Variants in TBC1D32 observed in about 807,000 individuals in gnomAD.
The protein encoded by TBC1D32 is protein broad-minded.
Under a neutral mutation model 170.3 loss-of-function variants are expected in TBC1D32, and 151 were observed. That is an observed-to-expected ratio of 0.89 (90% CI 0.78 to 1.01). The LOEUF is 1.01. TBC1D32 is among the 50% of genes least tolerant of loss of function. TBC1D32 has a pLI of 0.00. For missense variants in TBC1D32, 1,464 were observed against 1,457.1 expected (o/e 1.00, Z -0.08); for synonymous variants, 498 against 488.0 (o/e 1.02, Z -0.27).
chr6:121,285,651 A>G (rs1165592344), intron 12 of TBC1D32, among the ~76,000 whole-genome samples: 1 of 152,168 alleles, frequency 6.6e-6, no homozygotes, highest in Non-Finnish European at 1.5e-5. Flanking sequence ...TGGTTCTCCC[A>G]GCAAGCAGCT....
At chr6:121,189,424 G>A (rs1411536918) in intron 22 of TBC1D32, among the ~76,000 whole-genome samples, 1 of 150,700 alleles carries the variant, frequency 6.6e-6, no homozygotes, top group Non-Finnish European at 1.5e-5. Context: ...TATTGTATTA[G>A]TATAATTTTA....
chr6:121,159,283 C>T (rs1487739966), intron 24 of TBC1D32, among the ~76,000 whole-genome samples: 1 of 152,140 alleles, frequency 6.6e-6, no homozygotes, highest in Non-Finnish European at 1.5e-5. Context: ...AAGGTGGGAA[C>T]CATAATCTTC....
At chr6:121,172,609 T>A (rs1274601011) in intron 22 of TBC1D32, among the ~76,000 whole-genome samples, 1 of 152,110 alleles carries the variant, frequency 6.6e-6, no homozygotes, top group African/African-American at 2.4e-5. Flanking sequence ...ACAGAATGGG[T>A]AGTAGAAGAA....
At chr6:121,314,061 A>G (rs1045927713) in intron 3 of TBC1D32, among the ~76,000 whole-genome samples, 2 of 152,234 alleles carry the variant, frequency 1.3e-5, no homozygotes, top group African/African-American at 4.8e-5. Context: ...ATCTTACTGG[A>G]AGAATCCAAA....
intron 12 of TBC1D32, among the ~76,000 whole-genome samples, chr6:121,290,767 T>C (rs1478876599): frequency 2.0e-5 from 3 of 151,628 alleles, no homozygotes; most frequent in African/African-American, 7.3e-5. Flanking sequence ...CCAACAATGA[T>C]AGACTGGATT....
At chr6:121,331,785 A>G (rs1811251102) in intron 1 of TBC1D32, among the ~76,000 whole-genome samples, 1 of 152,206 alleles carries the variant, frequency 6.6e-6, no homozygotes, top group Non-Finnish European at 1.5e-5. Flanking sequence ...GTAAAATTCC[A>G]TGGAGAGACC....
intron 5 of TBC1D32, among the ~76,000 whole-genome samples, chr6:121,306,016 T>C (rs1298647897): frequency 6.6e-6 from 1 of 152,180 alleles, no homozygotes; most frequent in East Asian, 1.9e-4. Context: ...AGGAAACCTA[T>C]TCTGCTACTA....
chr6:121,168,712 T>A (rs373298964), intron 22 of TBC1D32, among the ~76,000 whole-genome samples: 142 of 93,798 alleles, frequency 1.5e-3, no homozygotes, highest in South Asian at 1.9e-3. Flanking sequence ...TAGAGTATAA[T>A]AAAAAAAAAA....
chr6:121,198,725 T>G (rs573781532), intron 22 of TBC1D32, among the ~76,000 whole-genome samples: 3 of 151,280 alleles, frequency 2.0e-5, no homozygotes, highest in Non-Finnish European at 4.4e-5. Context: ...CACTCTAGCC[T>G]GGGCGACAGA....
At position 121,261,328 on chromosome 6, in the gene TBC1D32, C is replaced by T. The variant is rs115696746; in HGVS notation, c.1734-5043G>A. Among the ~76,000 whole-genome samples, 1,349 of 152,234 alleles carry T rather than the reference C, an allele frequency of 8.9e-3. 24 individuals are homozygous for T. Among genetic ancestry groups the T allele is most frequent in the African/African-American group, 0.031 (1,275 of 41,544 alleles). ...CATGCCCCCCAACTGGGTGAGACAC[C>T]CCAAAAGGGGTCACCAGACACCCTA... On this transcript the variant is annotated intron_variant, in intron 15 of 31. Transcript: ENST00000398212.
chr6:121,254,624 T>C (rs923132793), intron 17 of TBC1D32, among the ~76,000 whole-genome samples: 3 of 152,126 alleles, frequency 2.0e-5, no homozygotes, highest in Non-Finnish European at 4.4e-5. Context: ...GCTTTTTGAT[T>C]GTTTTGTAAG....
At chr6:121,266,889 C>T (rs1406030786) in intron 15 of TBC1D32, among the ~76,000 whole-genome samples, 1 of 151,738 alleles carries the variant, frequency 6.6e-6, no homozygotes, top group Non-Finnish European at 1.5e-5. Flanking sequence ...GAGAGGAGAA[C>T]AACACACACC....
chr6:121,198,400 C>T (rs1231066099), intron 22 of TBC1D32, among the ~76,000 whole-genome samples: 3 of 150,076 alleles, frequency 2.0e-5, no homozygotes, highest in Non-Finnish European at 4.4e-5. Flanking sequence ...CCACATAAAA[C>T]TTGCAAATAT....
chr6:121,246,783 T>G (rs187480624), intron 17 of TBC1D32, among the ~76,000 whole-genome samples: 23 of 151,286 alleles, frequency 1.5e-4, no homozygotes, highest in African/African-American at 5.6e-4. Context: ...GAAGAAAGAA[T>G]ATGAGAGCTC....
chr6:121,311,323 C>A (rs1450371364), intron 3 of TBC1D32, among the ~76,000 whole-genome samples: 1 of 152,058 alleles, frequency 6.6e-6, no homozygotes, highest in South Asian at 2.1e-4. Flanking sequence ...AAACTTCCAT[C>A]TATAAAAAAG....
At chr6:121,148,097 T>C (rs1428545080) in intron 24 of TBC1D32, among the ~76,000 whole-genome samples, 1 of 152,090 alleles carries the variant, frequency 6.6e-6, no homozygotes, top group Non-Finnish European at 1.5e-5. Context: ...CAACCTGTCA[T>C]CTACATTAGG....
chr6:121,178,005 C>A (rs1180297569), intron 22 of TBC1D32, among the ~76,000 whole-genome samples: 1 of 151,972 alleles, frequency 6.6e-6, no homozygotes, highest in Non-Finnish European at 1.5e-5. Flanking sequence ...GTTCCACATG[C>A]CTGGGGAAGA....
Position 121,334,449 on chromosome 6 carries a change from C to G in TBC1D32, c.-19G>C. On this transcript the variant is annotated 5_prime_UTR_variant, in exon 1 of 32. Transcript: ENST00000398212. ...GGGCCATCCTGTTGGAATCAAACGT[C>G]CACTCTCATTACTCCAGGTCCGAGC... 6.2e-7 allele frequency: 1 copy of G among 1,609,156 alleles called. No homozygotes were observed. The highest frequency in any genetic ancestry group is 8.5e-7 in the Non-Finnish European group (1 of 1,177,416).
At chr6:121,111,704 T>G (rs184874182) in intron 29 of TBC1D32, among the ~76,000 whole-genome samples, 1 of 152,200 alleles carries the variant, frequency 6.6e-6, no homozygotes, top group Admixed American at 6.5e-5. Flanking sequence ...TTAATATTTA[T>G]TGTATTCCAT....
Sources: gnomAD v4.1 joint callset for allele counts (sites outside exome capture counted in the v4.1 genomes callset) on GRCh38, gnomAD v4.1.1 for gene constraint, MANE v1.5 for transcripts, NCBI Gene and HGNC (gene_info 2026-07-23, HGNC 2026-07-21) for gene names.